MAMLD1: variants seen among roughly 807,000 people sequenced by gnomAD.
MAMLD1 encodes the protein mastermind-like domain-containing protein 1.
A neutral mutation model predicts 45.0 loss-of-function variants in MAMLD1; 14 were observed. The ratio of observed to expected loss-of-function variants is 0.31; its 90% confidence interval spans 0.21 to 0.49. MAMLD1 has a LOEUF of 0.49. MAMLD1 is among the 20% of genes least tolerant of loss of function. The pLI is 0.99. For synonymous variants in MAMLD1, 254 were observed against 247.8 expected, an observed-to-expected ratio of 1.02 and a Z score of -0.24; for missense variants, 543 against 603.6, an observed-to-expected ratio of 0.90 and a Z score of 1.05.
chrX:150,481,876 A>AAAAGAAAGAGAG (rs2036773047), intron 5 of MAMLD1, among the ~76,000 whole-genome samples: 1 of 106,460 alleles, frequency 9.4e-6, no homozygotes, highest in Non-Finnish European at 1.9e-5. Flanking sequence ...GAAAGAAAGA[A>AAAAGAAAGAGAG]AAAGAAAGAG....
Position 150,379,273 on chromosome X carries a change from A to G in MAMLD1, c.-64+15743A>G, listed in dbSNP as rs782479961. On this transcript the variant is annotated intron_variant, in intron 1 of 7. Transcript: ENST00000370401. ...TGAGAAATCTCTCTGCCATTACCAT[A>G]ATATATTTACTCACTTAATCCTAGA... Among the ~76,000 whole-genome samples the G allele has an allele frequency of 2.6e-4, 29 of 111,918 alleles. No individual in the cohort carries two copies. The East Asian group carries it at 7.6e-3, about 29-fold the overall frequency.
chrX:150,370,129 C>T (rs2031848380), intron 1 of MAMLD1, among the ~76,000 whole-genome samples: 2 of 109,326 alleles, frequency 1.8e-5, no homozygotes, highest in South Asian at 8.0e-4. Flanking sequence ...ACCCAGATGT[C>T]ACTGGGGAGG....
chrX:150,429,840 A>T (rs2034855527), intron 1 of MAMLD1, among the ~76,000 whole-genome samples: 1 of 109,321 alleles, frequency 9.1e-6, no homozygotes, highest in African/African-American at 3.3e-5. Context: ...TTTTTAGCTT[A>T]GCCACTCTGT....
intron 1 of MAMLD1, among the ~76,000 whole-genome samples, chrX:150,430,347 C>T (rs994856924): frequency 1.8e-5 from 2 of 110,916 alleles, no homozygotes; most frequent in Non-Finnish European, 3.8e-5. Flanking sequence ...TCTTTATACA[C>T]TCTAGATACA....
intron 5 of MAMLD1, among the ~76,000 whole-genome samples, chrX:150,486,004 T>G: frequency 8.9e-6 from 1 of 111,912 alleles, no homozygotes; most frequent in Admixed American, 9.4e-5. Context: ...TCAGTTGGGA[T>G]GTTTTCAGTC....
At chrX:150,374,819 T>G (rs1469007956) in intron 1 of MAMLD1, among the ~76,000 whole-genome samples, 1 of 111,347 alleles carries the variant, frequency 9.0e-6, no homozygotes, top group Admixed American at 9.5e-5. Context: ...AGGAGGCAGA[T>G]AGTTGTTTGG....
chrX:150,367,769 C>CT (rs1257746352), intron 1 of MAMLD1, among the ~76,000 whole-genome samples: 2 of 102,780 alleles, frequency 1.9e-5, no homozygotes, highest in Non-Finnish European at 3.9e-5. Context: ...TCCATGTGTT[C>CT]TCATTGTTCA....
chrX:150,498,610 G>C (rs1392702138), intron 5 of MAMLD1, among the ~76,000 whole-genome samples: 1 of 112,148 alleles, frequency 8.9e-6, no homozygotes, highest in Non-Finnish European at 1.9e-5. Context: ...ATTTTTACTA[G>C]CCACATTTCA....
chrX:150,512,968 G>A lies in MAMLD1; in HGVS notation c.*1009G>A. 1 of 1,155,858 alleles carries A rather than the reference G, an allele frequency of 8.7e-7. No individual in the cohort carries two copies. The highest frequency in any genetic ancestry group is 1.8e-5 in the African/African-American group (1 of 56,403). Reference sequence around the variant, plus strand: ...GTGTGAGCCCAGATGAAGACTGGGTGTGCAACTTGAGGCTGATCGACGACA... The same window carrying A: ...GTGTGAGCCCAGATGAAGACTGGGTATGCAACTTGAGGCTGATCGACGACA... On this transcript the variant is annotated 3_prime_UTR_variant, in exon 8 of 8. Coordinates refer to ENST00000370401, the MANE Select transcript of MAMLD1 (RefSeq NM_005491.5).
chrX:150,500,078 T>C (rs1935019812), intron 5 of MAMLD1, among the ~76,000 whole-genome samples: 1 of 112,461 alleles, frequency 8.9e-6, no homozygotes, highest in East Asian at 2.8e-4. Flanking sequence ...CTAGATACTG[T>C]CGGGGCACCA....
At chrX:150,449,445 A>G (rs1335548043) in intron 2 of MAMLD1, among the ~76,000 whole-genome samples, 2 of 111,367 alleles carry the variant, frequency 1.8e-5, no homozygotes, top group Non-Finnish European at 3.8e-5. Flanking sequence ...CCTTTTCTTT[A>G]GACTGGTGAC....
intron 5 of MAMLD1, among the ~76,000 whole-genome samples, chrX:150,496,890 T>C (rs1338659258): frequency 8.9e-6 from 1 of 112,630 alleles, no homozygotes; most frequent in Non-Finnish European, 1.9e-5. Context: ...GGATAGTAAT[T>C]CCTTCATTTC....
rs1557406209 is a variant in MAMLD1 at position 150,469,773 on chromosome X, A to G, written c.200A>G (p.Asp67Gly). 8.3e-7 allele frequency: 1 copy of G among 1,210,606 alleles called. No individual in the cohort carries two copies. Among genetic ancestry groups the G allele is most frequent in the East Asian group, 3.0e-5 (1 of 33,805 alleles). ...QGTVKRRQEE[D>G]HFQFPDMADG... Reference sequence around the variant, plus strand: ...ACTGTTAAGAGGAGACAAGAAGAAGACCACTTCCAGTTTCCAGACATGGCT... The same window carrying G: ...ACTGTTAAGAGGAGACAAGAAGAAGGCCACTTCCAGTTTCCAGACATGGCT... Residue 67 changes from aspartate to glycine, a missense_variant, in exon 4 of 8, where the codon GAC (aspartate) becomes GGC (glycine). Asp to Gly is a moderately conservative substitution (Grantham distance 94). Coordinates refer to ENST00000370401, the MANE Select transcript of MAMLD1 (RefSeq NM_005491.5).
Position 150,513,257 on chromosome X carries a change from A to C in MAMLD1, c.*1298A>C, listed in dbSNP as rs141581898. 220 of 407,698 alleles carry C rather than the reference A, an allele frequency of 5.4e-4. 1 individual carries two copies. The highest frequency in any genetic ancestry group is 5.1e-3 in the African/African-American group (204 of 40,350). The allele number at this position is 407,698 out of a possible 1,213,427, so 33.6% of individuals were successfully genotyped here. A position where few individuals can be genotyped will look rare whatever the true frequency, so the allele number is the denominator to read the frequency against. On this transcript the variant is annotated 3_prime_UTR_variant, in exon 8 of 8. Transcript: ENST00000370401. ...TTCAAGCTACGTGTACATATTTGAA[A>C]ATTTTGTAAATGGTTTTCCTAAACA...
At chrX:150,425,678 C>T (rs2034680139) in intron 1 of MAMLD1, among the ~76,000 whole-genome samples, 1 of 111,104 alleles carries the variant, frequency 9.0e-6, no homozygotes, top group African/African-American at 3.3e-5. Context: ...CCTTACTATG[C>T]TCTGAACACT....
chrX:150,503,941 T>C (rs781950644), intron 6 of MAMLD1: 1 of 425,681 alleles, frequency 2.3e-6, no homozygotes, highest in East Asian at 2.0e-4. Flanking sequence ...CTGCACCTGA[T>C]ACCTGCCTGC....
At chrX:150,406,809 T>C (rs2034008839) in intron 1 of MAMLD1, among the ~76,000 whole-genome samples, 1 of 111,211 alleles carries the variant, frequency 9.0e-6, no homozygotes, top group African/African-American at 3.3e-5. Flanking sequence ...CTGCCCCTCC[T>C]TCATTTGCGC....
intron 1 of MAMLD1, among the ~76,000 whole-genome samples, chrX:150,442,878 A>C (rs1409624758): frequency 1.8e-5 from 2 of 111,654 alleles, no homozygotes; most frequent in African/African-American, 3.3e-5. Flanking sequence ...TGATCTGAGA[A>C]TGTCTTGATC....
At chrX:150,462,940 A>G in intron 3 of MAMLD1, 94 bp downstream of exon 3, 1 of 656,380 alleles carries the variant, frequency 1.5e-6, no homozygotes, top group South Asian at 2.3e-5. Flanking sequence ...AGGTCACACC[A>G]CAAGGTCCTT....
Sources: allele counts gnomAD v4.1 joint callset (sites outside exome capture counted in the v4.1 genomes callset), GRCh38; gene constraint gnomAD v4.1.1; transcripts MANE v1.5; gene names NCBI Gene and HGNC (gene_info 2026-07-23, HGNC 2026-07-21).